ERBB4: variants seen among roughly 807,000 people sequenced by gnomAD.
ERBB4 encodes the protein erb-b2 receptor tyrosine kinase 4, also known as receptor tyrosine-protein kinase erbB-4.
In ERBB4, 42 loss-of-function variants were observed where a neutral mutation model predicts 158.0. That is an observed-to-expected ratio of 0.27 (90% confidence interval 0.21 to 0.34). ERBB4 has a LOEUF of 0.34. Among genes scored for constraint, ERBB4 ranks in the 10% least tolerant of loss-of-function variants. ERBB4 has a pLI of 1.00. For synonymous variants in ERBB4, 583 were observed against 558.7 expected (o/e 1.04, Z -0.61); for missense variants, 1,333 against 1,624.1 (o/e 0.82, Z 3.08).
chr2:211,665,560 A>G, intron 14 of ERBB4, 83 bp from the exon 15 acceptor site: 3 of 1,304,534 alleles, frequency 2.3e-6, no homozygotes, highest in Non-Finnish European at 2.2e-6. Flanking sequence ...TTAGTTACTG[A>G]GACTTCAGTA....
intron 1 of ERBB4, among the ~76,000 whole-genome samples, chr2:212,395,144 T>C (rs2090988186): frequency 6.6e-6 from 1 of 152,154 alleles, no homozygotes; most frequent in Non-Finnish European, 1.5e-5. Context: ...TCTTGAGTTA[T>C]CTAATGCAGT....
chr2:212,407,664 T>C (rs1267268111), intron 1 of ERBB4, among the ~76,000 whole-genome samples: 1 of 152,144 alleles, frequency 6.6e-6, no homozygotes, highest in Non-Finnish European at 1.5e-5. Flanking sequence ...CTTGGGTATA[T>C]ACATGAAAAA....
intron 1 of ERBB4, among the ~76,000 whole-genome samples, chr2:212,183,543 AAAC>A (rs1303295816): frequency 1.3e-5 from 2 of 152,042 alleles, no homozygotes; most frequent in East Asian, 1.9e-4. Flanking sequence ...TGTATTCTTC[AAAC>A]AACATTTATC....
At chr2:211,889,506 A>T (rs1402930266) in intron 3 of ERBB4, among the ~76,000 whole-genome samples, 1 of 151,870 alleles carries the variant, frequency 6.6e-6, no homozygotes, top group Non-Finnish European at 1.5e-5. Context: ...CCTCCTCCAA[A>T]GGAACGCAGC....
chr2:212,154,764 A>C (rs957226176), intron 1 of ERBB4, among the ~76,000 whole-genome samples: 1 of 152,186 alleles, frequency 6.6e-6, no homozygotes, highest in Non-Finnish European at 1.5e-5. Context: ...GACATCAGGG[A>C]AACCCCAGGA....
At chr2:211,547,555 G>T (rs956118239) in intron 20 of ERBB4, among the ~76,000 whole-genome samples, 2 of 151,984 alleles carry the variant, frequency 1.3e-5, no homozygotes, top group African/African-American at 4.8e-5. Context: ...TACAGTTTTA[G>T]AAACAAAAGC....
chr2:211,915,148 T>A (rs2079651836), intron 3 of ERBB4, among the ~76,000 whole-genome samples: 1 of 152,132 alleles, frequency 6.6e-6, no homozygotes, highest in African/African-American at 2.4e-5. Context: ...CTGGACTTAG[T>A]CCCAAATAGT....
chr2:212,526,254 G>A (rs1692440515), intron 1 of ERBB4, among the ~76,000 whole-genome samples: 1 of 151,964 alleles, frequency 6.6e-6, no homozygotes, highest in African/African-American at 2.4e-5. Flanking sequence ...TTAGCTACAT[G>A]CCATTCTATT....
At chr2:211,924,427 T>C (rs935969106) in intron 3 of ERBB4, among the ~76,000 whole-genome samples, 1 of 151,998 alleles carries the variant, frequency 6.6e-6, no homozygotes, top group Non-Finnish European at 1.5e-5. Context: ...CTAAGCAACA[T>C]ATGGGTGTAT....
At chr2:211,885,408 A>G (rs1292411204) in intron 3 of ERBB4, among the ~76,000 whole-genome samples, 1 of 152,172 alleles carries the variant, frequency 6.6e-6, no homozygotes, top group Non-Finnish European at 1.5e-5. Flanking sequence ...AATAAAGAAA[A>G]AGAATAATGG....
intron 2 of ERBB4, among the ~76,000 whole-genome samples, chr2:211,997,259 C>A (rs758200112): frequency 1.3e-5 from 2 of 152,006 alleles, no homozygotes; most frequent in Non-Finnish European, 2.9e-5. Flanking sequence ...GCATCAGGAA[C>A]GTGGATTCAT....
chr2:211,523,544 G>A (rs1574665988), intron 20 of ERBB4, among the ~76,000 whole-genome samples: 1 of 151,612 alleles, frequency 6.6e-6, no homozygotes, highest in Non-Finnish European at 1.5e-5. Flanking sequence ...CTTCTGGTGG[G>A]TTCGTGGTCT....
intron 2 of ERBB4, among the ~76,000 whole-genome samples, chr2:212,078,490 A>G (rs1488950425): frequency 6.6e-6 from 1 of 152,028 alleles, no homozygotes; most frequent in East Asian, 1.9e-4. Context: ...TAACAGTGGT[A>G]ATAAAATATA....
chr2:212,106,026 A>G (rs2079216647), intron 2 of ERBB4, among the ~76,000 whole-genome samples: 1 of 152,220 alleles, frequency 6.6e-6, no homozygotes, highest in African/African-American at 2.4e-5. Context: ...TTTTTAAATT[A>G]CACAGTCTCA....
At chr2:212,189,785 T>G (rs1032784632) in intron 1 of ERBB4, among the ~76,000 whole-genome samples, 1 of 152,212 alleles carries the variant, frequency 6.6e-6, no homozygotes, top group East Asian at 1.9e-4. Context: ...TTGTTTATAA[T>G]CAGTGATTAG....
intron 19 of ERBB4, among the ~76,000 whole-genome samples, chr2:211,614,009 G>A (rs2069294182): frequency 6.6e-6 from 1 of 152,022 alleles, no homozygotes; most frequent in Admixed American, 6.6e-5. Context: ...GTTAGATTTG[G>A]AAGCAACCTA....
At chr2:211,934,931 A>AAAAAAAAAAAAAAAAAAAAAAAAAC (rs1435488546) in intron 3 of ERBB4, among the ~76,000 whole-genome samples, 13 of 149,152 alleles carry the variant, frequency 8.7e-5, no homozygotes, top group Non-Finnish European at 1.5e-4. Flanking sequence ...TCAGCTAAAA[A>AAAAAAAAAAAAAAAAAAAAAAAAAC]AAAAAAAAAA....
intron 1 of ERBB4, among the ~76,000 whole-genome samples, chr2:212,152,947 C>T (rs1482213188): frequency 6.6e-6 from 1 of 152,142 alleles, no homozygotes; most frequent in Non-Finnish European, 1.5e-5. Flanking sequence ...ACAGTTTCCA[C>T]ATTTTACTGC....
At chr2:212,080,550 T>C (rs2078408773) in intron 2 of ERBB4, among the ~76,000 whole-genome samples, 1 of 151,648 alleles carries the variant, frequency 6.6e-6, no homozygotes. Flanking sequence ...GATTTACATG[T>C]TTTGGTTTTT....
Sources: gnomAD v4.1 joint callset for allele counts (sites outside exome capture counted in the v4.1 genomes callset) on GRCh38, gnomAD v4.1.1 for gene constraint, MANE v1.5 for transcripts, NCBI Gene and HGNC (gene_info 2026-07-23, HGNC 2026-07-21) for gene names.